Variants in ACVR1C observed in about 807,000 individuals in gnomAD.
The protein encoded by ACVR1C is activin receptor type-1C.
In ACVR1C, 23 loss-of-function variants were observed where a neutral mutation model predicts 57.9. That is an observed-to-expected ratio of 0.40 (90% confidence interval 0.29 to 0.56). The LOEUF (loss-of-function observed/expected upper bound fraction) is 0.56. Among genes scored for constraint, ACVR1C ranks in the 20% least tolerant of loss-of-function variants. The pLI is 0.50. For synonymous variants in ACVR1C, 214 were observed against 215.3 expected (o/e 0.99, Z 0.05); for missense variants, 480 against 607.9 (o/e 0.79, Z 2.21).
Position 157,556,167 on chromosome 2 carries a change from T to G in ACVR1C, c.470A>C (p.Glu157Ala), listed in dbSNP as rs769179741. ...KRPNVEEPLS[E>A]CNLVNAGKTL... The stretch of plus-strand genomic sequence containing the variant: ...TTTTCCAGCATTTACCAGATTGCAC[T>G]CAGAGAGTGGTTCCTCCACATTTGG... Residue 157 changes from glutamate (E) to alanine (A), a missense_variant, in exon 3 of 9, where the codon GAG (glutamate) becomes GCG (alanine). By Grantham distance (107) the Glu-to-Ala change is moderately radical. Transcript: ENST00000243349. 1.2e-6 allele frequency: 2 copies of G among 1,614,102 alleles called. No individual in the cohort carries two copies. Among genetic ancestry groups the G allele is most frequent in the South Asian group, 2.2e-5 (2 of 91,070 alleles).
At chr2:157,596,628 A>T (rs1682125171) in intron 1 of ACVR1C, among the ~76,000 whole-genome samples, 1 of 152,076 alleles carries the variant, frequency 6.6e-6, no homozygotes, top group Non-Finnish European at 1.5e-5. Context: ...AATAGTCAAT[A>T]TTTTCTTCCA....
chr2:157,541,194 A>T lies in ACVR1C; in HGVS notation c.1121T>A (p.Leu374His). The T allele has an allele frequency of 1.2e-6, 2 of 1,613,974 alleles. No individual in the cohort carries two copies. Among genetic ancestry groups the T allele is most frequent in the Non-Finnish European group, 1.7e-6 (2 of 1,179,934 alleles). Residue 374 changes from leucine (L) to histidine (H), a missense_variant, in exon 7 of 9, where the codon CTT becomes CAT. Leu to His is a moderately conservative substitution (Grantham distance 99). Coordinates refer to ENST00000243349, the MANE Select transcript of ACVR1C (RefSeq NM_145259.3). ...GATATTCACATTCATTGTATCATCAAGCATTTCAGGAGCCATATACCTTCA... is the reference window on the plus strand; with the variant it reads ...GATATTCACATTCATTGTATCATCATGCATTTCAGGAGCCATATACCTTCA... Reference protein sequence around the residue: ...GTKRYMAPEMLDDTMNVNIFE... With the variant: ...GTKRYMAPEMHDDTMNVNIFE...
chr2:157,576,744 G>A (rs1688661901), intron 2 of ACVR1C, among the ~76,000 whole-genome samples: 1 of 149,116 alleles, frequency 6.7e-6, no homozygotes, highest in African/African-American at 2.5e-5. Flanking sequence ...ATTCCTCCTT[G>A]TCTACACTTT....
At chr2:157,590,837 T>A (rs1351568476) in intron 1 of ACVR1C, among the ~76,000 whole-genome samples, 1 of 151,994 alleles carries the variant, frequency 6.6e-6, no homozygotes, top group Non-Finnish European at 1.5e-5. Flanking sequence ...ATTCTCCAGT[T>A]CCAATCTTAC....
chr2:157,533,986 G>T lies in ACVR1C; in HGVS notation c.1414C>A (p.Arg472Ser). Residue 472 changes from arginine to serine, a missense_variant, in exon 9 of 9, where the codon CGC becomes AGC. Coordinates refer to ENST00000243349, the MANE Select transcript of ACVR1C (RefSeq NM_145259.3). ...TTCTTAATACGAAGAGCAGTTAGGC[G>T]GGCCGCTCCGTTGGCATACCAACAC... ...RECWYANGAA[R>S]LTALRIKKTI... 6.3e-7 allele frequency: 1 copy of T among 1,597,500 alleles called. No individual in the cohort carries two copies.
chr2:157,628,844 G>A lies in ACVR1C; in HGVS notation c.-200C>T, dbSNP rs1573965302. 2.8e-6 allele frequency: 1 copy of A among 360,310 alleles called. No homozygotes were observed. Among genetic ancestry groups the A allele is most frequent in the East Asian group, 4.3e-5 (1 of 23,324 alleles). 22.3% of individuals were successfully genotyped at this position (360,310 alleles called of 1,614,324 possible). On this transcript the variant is annotated 5_prime_UTR_variant, in exon 1 of 9. Coordinates refer to ENST00000243349, the MANE Select transcript of ACVR1C (RefSeq NM_145259.3). Reference sequence around the variant, plus strand: ...CATCCCACGCCCCCTGCGGCTGGCGGTGCGCGGCGCTCCTGCCACTGGCCC... The same window carrying A: ...CATCCCACGCCCCCTGCGGCTGGCGATGCGCGGCGCTCCTGCCACTGGCCC...
At chr2:157,610,335 AT>A (rs982779777) in intron 1 of ACVR1C, among the ~76,000 whole-genome samples, 5 of 151,964 alleles carry the variant, frequency 3.3e-5, no homozygotes, top group African/African-American at 1.2e-4. Flanking sequence ...TTGTGTATCA[AT>A]TTTCTTCTTT....
intron 1 of ACVR1C, among the ~76,000 whole-genome samples, chr2:157,611,223 T>C (rs1682524853): frequency 6.6e-6 from 1 of 152,206 alleles, no homozygotes; most frequent in Non-Finnish European, 1.5e-5. Context: ...ATTGGTTGGG[T>C]AGGGCCCTTC....
chr2:157,555,191 T>G lies in ACVR1C; in HGVS notation c.544+902A>C, dbSNP rs896876457. ...CGGACTGCAGTGGCGCAATCTCGGC[T>G]CACTGCAAGCTCCGCTTCCCGGGTT... On this transcript the variant is annotated intron_variant, in intron 3 of 8. Coordinates refer to ENST00000243349, the MANE Select transcript of ACVR1C (RefSeq NM_145259.3). 2.9e-5 allele frequency among the ~76,000 whole-genome samples: 4 copies of G among 135,726 alleles called. No individual in the cohort carries two copies. In the South Asian group the frequency reaches 9.7e-4, roughly 33 times the overall value. The allele number at this position is 135,726 out of a possible 152,430, so 89.0% of individuals were successfully genotyped here. A position where few individuals can be genotyped will look rare whatever the true frequency, so the allele number is the denominator to read the frequency against.
chr2:157,626,002 G>C (rs1205249255), intron 1 of ACVR1C, among the ~76,000 whole-genome samples: 5 of 152,076 alleles, frequency 3.3e-5, no homozygotes, highest in African/African-American at 1.2e-4. Context: ...GTGCCTCACT[G>C]TGTCACCCAG....
chr2:157,593,478 C>A (rs986790746), intron 1 of ACVR1C, among the ~76,000 whole-genome samples: 1 of 152,114 alleles, frequency 6.6e-6, no homozygotes, highest in Non-Finnish European at 1.5e-5. Flanking sequence ...AGTTTTAGAC[C>A]AGGCTATGAA....
In ACVR1C at chr2:157,628,775, G is replaced by T; in HGVS notation, c.-131C>A. 1.3e-6 allele frequency: 1 copy of T among 768,524 alleles called. No individual in the cohort carries two copies. Among genetic ancestry groups the T allele is most frequent in the Non-Finnish European group, 1.9e-6 (1 of 514,254 alleles). The allele number at this position is 768,524 out of a possible 1,614,324, so 47.6% of individuals were successfully genotyped here. On this transcript the variant is annotated 5_prime_UTR_variant, in exon 1 of 9. Transcript: ENST00000243349. ...GCACCGACACCCTTTTGAAGTGCGCGGTTGGCTCTAGTCAGTGTGGGCGCC... is the reference window on the plus strand; with the variant it reads ...GCACCGACACCCTTTTGAAGTGCGCTGTTGGCTCTAGTCAGTGTGGGCGCC...
intron 1 of ACVR1C, among the ~76,000 whole-genome samples, chr2:157,610,232 G>A (rs1191371902): frequency 6.6e-6 from 1 of 151,974 alleles, no homozygotes; most frequent in Non-Finnish European, 1.5e-5. Flanking sequence ...GCATTTCTTA[G>A]AGTGGTGATA....
At position 157,616,232 on chromosome 2, in the gene ACVR1C, G is replaced by A. The variant is rs751147348; in HGVS notation, c.73+12340C>T. 1.6e-4 allele frequency among the ~76,000 whole-genome samples: 25 copies of A among 152,108 alleles called. 1 individual carries two copies. The highest frequency in any genetic ancestry group is 4.1e-4 in the South Asian group (2 of 4,828). On this transcript the variant is annotated intron_variant, in intron 1 of 8. Transcript: ENST00000243349. The stretch of plus-strand genomic sequence containing the variant: ...TCCTCCCTCTTTATTACCTCTGGAC[G>A]CTTCCCTCTTTAGTGTAATGGCTTT...
At chr2:157,554,788 G>A (rs1042486018) in intron 3 of ACVR1C, among the ~76,000 whole-genome samples, 1 of 152,140 alleles carries the variant, frequency 6.6e-6, no homozygotes, top group Non-Finnish European at 1.5e-5. Context: ...TCTTCAGAAT[G>A]TTGGGCTACT....
rs1424610941 is a variant in ACVR1C at position 157,530,657 on chromosome 2, G to A, written c.*3261C>T. On this transcript the variant is annotated 3_prime_UTR_variant, in exon 9 of 9. Transcript: ENST00000243349. ...CAGGTTACTATTTTCATACAATCAT[G>A]GAAATTTAAAATGCAAAGTTAATTG... is the stretch of plus-strand genomic sequence containing the variant. The A allele has an allele frequency of 6.6e-6, 1 of 151,836 alleles. No homozygotes were observed. The highest frequency in any genetic ancestry group is 1.5e-5 in the Non-Finnish European group (1 of 67,954). The allele number at this position is 151,836 out of a possible 1,614,324, so 9.4% of individuals were successfully genotyped here. A position where few individuals can be genotyped will look rare whatever the true frequency, so the allele number is the denominator to read the frequency against.
intron 8 of ACVR1C, among the ~76,000 whole-genome samples, chr2:157,535,026 T>A (rs1206208107): frequency 1.3e-5 from 2 of 151,450 alleles, no homozygotes; most frequent in East Asian, 3.9e-4. Flanking sequence ...GGCATGGTGG[T>A]CCCAGCTATG....
In ACVR1C at chr2:157,556,723, G is replaced by C. The variant is rs141102920; in HGVS notation, c.305-391C>G. Among the ~76,000 whole-genome samples, 522 of 145,542 alleles carry C rather than the reference G, an allele frequency of 3.6e-3. 5 individuals carry two copies. Among genetic ancestry groups the C allele is most frequent in the African/African-American group, 0.013 (503 of 38,198 alleles). On this transcript the variant is annotated intron_variant, in intron 2 of 8. Coordinates refer to ENST00000243349, the MANE Select transcript of ACVR1C (RefSeq NM_145259.3). ...CGATCACCCAGGCTGGAGTGCAGTG[G>C]TGCGATCTGGGCTCACTGTAACCTC...
chr2:157,528,052 T>A lies in ACVR1C; in HGVS notation c.*5866A>T, dbSNP rs944831306. On this transcript the variant is annotated 3_prime_UTR_variant, in exon 9 of 9. Coordinates refer to ENST00000243349, the MANE Select transcript of ACVR1C (RefSeq NM_145259.3). ...CTAAGTTCTTTGTTCAATCTGTAGA[T>A]GTCAAGAATTATTTTGACTTTTTAA... 1.6e-4 allele frequency: 25 copies of A among 152,340 alleles called. No individual in the cohort carries two copies. The highest frequency in any genetic ancestry group is 3.2e-4 in the Non-Finnish European group (22 of 68,028). 9.4% of individuals were successfully genotyped at this position (152,340 alleles called of 1,614,324 possible).
Sources: gnomAD v4.1 joint callset for allele counts (sites outside exome capture counted in the v4.1 genomes callset) on GRCh38, gnomAD v4.1.1 for gene constraint, MANE v1.5 for transcripts, NCBI Gene and HGNC (gene_info 2026-07-23, HGNC 2026-07-21) for gene names.